The following MAML2 variants were observed in gnomAD, a reference collection of about 807,000 sequenced individuals.
The protein encoded by MAML2 is mastermind like transcriptional coactivator 2, also known as mastermind-like protein 2.
Under a neutral mutation model 96.1 loss-of-function variants are expected in MAML2, and 22 were observed. That is an observed-to-expected ratio of 0.23 (90% CI 0.16 to 0.33). MAML2 has a LOEUF of 0.33. Among genes scored for constraint, MAML2 ranks in the 10% least tolerant of loss-of-function variants. The pLI is 1.00. For missense variants in MAML2, 1,367 were observed against 1,392.4 expected, an observed-to-expected ratio of 0.98 and a Z score of 0.29; for synonymous variants, 561 against 521.3, an observed-to-expected ratio of 1.08 and a Z score of -1.04.
intron 2 of MAML2, among the ~76,000 whole-genome samples, chr11:96,038,988 G>C (rs1858762109): frequency 6.6e-6 from 1 of 152,160 alleles, no homozygotes. Context: ...GGAATTACTG[G>C]TGGCACACAT....
chr11:96,235,750 T>C (rs778528939), intron 1 of MAML2, among the ~76,000 whole-genome samples: 32 of 152,330 alleles, frequency 2.1e-4, no homozygotes, highest in Middle Eastern at 3.4e-3. Context: ...TTGTAAGATG[T>C]ACACTTTCTT....
intron 1 of MAML2, among the ~76,000 whole-genome samples, chr11:96,196,847 T>C (rs1591066993): frequency 1.3e-5 from 2 of 151,774 alleles, no homozygotes; most frequent in African/African-American, 4.8e-5. Context: ...ATACCTTCTA[T>C]AGTCCAATGG....
chr11:96,179,692 A>G (rs932672239), intron 1 of MAML2, among the ~76,000 whole-genome samples: 2 of 152,220 alleles, frequency 1.3e-5, no homozygotes, highest in African/African-American at 2.4e-5. Flanking sequence ...CCATTTTAGT[A>G]TATGTGGTCT....
chr11:96,044,451 C>T (rs1183771524), intron 2 of MAML2, among the ~76,000 whole-genome samples: 2 of 152,186 alleles, frequency 1.3e-5, no homozygotes, highest in South Asian at 2.1e-4. Flanking sequence ...TCTCTCCCTT[C>T]CTCTCCTTTC....
intron 1 of MAML2, among the ~76,000 whole-genome samples, chr11:96,313,727 T>G (rs959946459): frequency 6.6e-6 from 1 of 152,190 alleles, no homozygotes; most frequent in African/African-American, 2.4e-5. Flanking sequence ...CCATATATTT[T>G]TAAGGTGTTT....
Position 96,093,003 on chromosome 11 carries a change from T to C in MAML2, c.1028A>G (p.Asp343Gly). 6.2e-7 allele frequency: 1 copy of C among 1,613,992 alleles called. No homozygotes were observed. The highest frequency in any genetic ancestry group is 8.5e-7 in the Non-Finnish European group (1 of 1,179,876). The change falls in exon 2 of 5, where the codon GAC becomes GGC. Residue 343 changes from aspartate (D) to glycine (G), a missense_variant. By Grantham distance (94) the Asp-to-Gly change is moderately conservative. Transcript: ENST00000524717. ...TIKQDDPFNI[D>G]LGQQSQRSTP... Reference sequence around the variant, plus strand: ...GCTCCTCTGGCTTTGCTGACCCAAGTCAATGTTAAATGGGTCATCCTGCTT... The same window carrying C: ...GCTCCTCTGGCTTTGCTGACCCAAGCCAATGTTAAATGGGTCATCCTGCTT...
At chr11:96,168,299 G>A (rs774803452) in intron 1 of MAML2, among the ~76,000 whole-genome samples, 14 of 152,152 alleles carry the variant, frequency 9.2e-5, no homozygotes, top group Non-Finnish European at 1.8e-4. Flanking sequence ...ATGGTGCCTA[G>A]TAATAGAAAG....
chr11:96,246,608 A>G (rs1862515468), intron 1 of MAML2, among the ~76,000 whole-genome samples: 2 of 152,144 alleles, frequency 1.3e-5, no homozygotes, highest in Non-Finnish European at 2.9e-5. Flanking sequence ...TTTAGTATAA[A>G]ACCAGTGAGA....
Position 96,341,442 on chromosome 11 carries a change from C to G in MAML2, c.454G>C (p.Gly152Arg), listed in dbSNP as rs902678649. ...SNNGGSGGIN[G>R]EQQPPASTPG... Reference sequence around the variant, plus strand: ...GTTGAAGCGGGCGGCTGCTGCTCTCCGTTTATCCCACCACTGCCACCATTA... The same window carrying G: ...GTTGAAGCGGGCGGCTGCTGCTCTCGGTTTATCCCACCACTGCCACCATTA... The change falls in exon 1 of 5, where the codon GGA (glycine) becomes CGA (arginine). Residue 152 changes from glycine to arginine, a missense_variant. Coordinates refer to ENST00000524717, the MANE Select transcript of MAML2 (RefSeq NM_032427.4). 2 of 1,550,464 alleles carry G rather than the reference C, an allele frequency of 1.3e-6. No individual in the cohort carries two copies. Among genetic ancestry groups the G allele is most frequent in the Non-Finnish European group, 8.7e-7 (1 of 1,146,288 alleles).
chr11:95,989,429 G>A (rs1380240789), intron 3 of MAML2, among the ~76,000 whole-genome samples: 1 of 152,208 alleles, frequency 6.6e-6, no homozygotes, highest in Non-Finnish European at 1.5e-5. Context: ...GGCCCAGTGG[G>A]AGTTAGCCCA....
intron 2 of MAML2, among the ~76,000 whole-genome samples, chr11:96,013,922 T>C (rs925096478): frequency 2.0e-5 from 3 of 152,170 alleles, no homozygotes; most frequent in African/African-American, 7.2e-5. Flanking sequence ...TCTGTCCTTG[T>C]GATAAGGAAG....
chr11:96,245,314 C>T (rs1862495678), intron 1 of MAML2, among the ~76,000 whole-genome samples: 2 of 151,138 alleles, frequency 1.3e-5, no homozygotes, highest in Non-Finnish European at 2.9e-5. Flanking sequence ...TAAATTTCAC[C>T]CTAGATAGGA....
At chr11:96,018,849 A>G (rs986368920) in intron 2 of MAML2, among the ~76,000 whole-genome samples, 6 of 152,170 alleles carry the variant, frequency 3.9e-5, no homozygotes, top group African/African-American at 1.4e-4. Context: ...TCCACCTCCC[A>G]AAGTGCTGGG....
At chr11:96,119,616 C>T (rs1006713953) in intron 1 of MAML2, among the ~76,000 whole-genome samples, 12 of 152,192 alleles carry the variant, frequency 7.9e-5, no homozygotes, top group African/African-American at 2.4e-4. Flanking sequence ...CACAGTTTAA[C>T]GACTTGCTGA....
In MAML2 at chr11:96,341,707, G is replaced by C. The variant is rs539799372; in HGVS notation, c.189C>G (p.Ala63=). ...SCEGRYERGR[A]ESSDREREST... ...TTTCTCTTTCCCGGTCTGAGCTCTCGGCCCTACCTCGTTCATATCGTCCTT... is the reference window on the plus strand; with the variant it reads ...TTTCTCTTTCCCGGTCTGAGCTCTCCGCCCTACCTCGTTCATATCGTCCTT... The change falls in exon 1 of 5, where the codon GCC becomes GCG. Residue 63 remains alanine (A), a synonymous_variant. Transcript: ENST00000524717. 1.2e-6 allele frequency: 2 copies of C among 1,611,158 alleles called. No homozygotes were observed. Among genetic ancestry groups the C allele is most frequent in the Non-Finnish European group, 1.7e-6 (2 of 1,178,750 alleles).
rs1554998954 is a variant in MAML2 at position 96,034,456 on chromosome 11, A to AGTGTGT, written c.2140-42739_2140-42734dup. Among the ~76,000 whole-genome samples the AGTGTGT allele has an allele frequency of 5.4e-3, 785 of 144,820 alleles. 9 individuals carry two copies. The highest frequency in any genetic ancestry group is 0.02 in the African/African-American group (745 of 38,074). ...GTGAGAGAGAGAGAGAGAGAGAGAG[A>AGTGTGT]GTGTGTGTGTGTGTGTGTGTCAGAG... On this transcript the variant is annotated intron_variant, in intron 2 of 4. Transcript: ENST00000524717.
intron 1 of MAML2, among the ~76,000 whole-genome samples, chr11:96,252,425 CTTTTTTT>C (rs35604635): frequency 8.2e-6 from 1 of 122,582 alleles, no homozygotes; most frequent in Admixed American, 8.9e-5. Flanking sequence ...TTGACTAACT[CTTTTTTT>C]TTTTTTTTTT....
intron 2 of MAML2, among the ~76,000 whole-genome samples, chr11:96,072,369 T>C (rs977055690): frequency 2.6e-5 from 4 of 152,220 alleles, no homozygotes; most frequent in Non-Finnish European, 5.9e-5. Flanking sequence ...GGGATACAAA[T>C]GGATCCAGCA....
At chr11:95,985,437 T>G (rs1857809842) in intron 4 of MAML2, 94 bp downstream of exon 4, 3 of 690,616 alleles carry the variant, frequency 4.3e-6, no homozygotes, top group Non-Finnish European at 7.3e-6. Context: ...AAGAAAGATA[T>G]TATAATCATA....
Sources: gnomAD v4.1 joint callset for allele counts (sites outside exome capture counted in the v4.1 genomes callset) on GRCh38, gnomAD v4.1.1 for gene constraint, MANE v1.5 for transcripts, NCBI Gene and HGNC (gene_info 2026-07-23, HGNC 2026-07-21) for gene names.